The following SRPK2 variants were observed in gnomAD, a reference collection of about 807,000 sequenced individuals.
The protein encoded by SRPK2 is SRSF protein kinase 2, also known as SFRS protein kinase 2.
In SRPK2, 21 loss-of-function variants were observed where a neutral mutation model predicts 90.8. That is an observed-to-expected ratio of 0.23 (90% CI 0.16 to 0.33). SRPK2 has a LOEUF of 0.33. SRPK2 is among the 10% of genes least tolerant of loss of function. SRPK2 has a pLI of 1.00. For synonymous variants in SRPK2, 288 were observed against 311.1 expected (o/e 0.93, Z 0.78); for missense variants, 620 against 869.0 (o/e 0.71, Z 3.60).
intron 2 of SRPK2, among the ~76,000 whole-genome samples, chr7:105,253,468 T>A (rs1010848732): frequency 7.2e-5 from 11 of 152,212 alleles, no homozygotes; most frequent in Admixed American, 7.2e-4. Context: ...CAAAGACCTT[T>A]CTTTGCCACC....
intron 3 of SRPK2, among the ~76,000 whole-genome samples, chr7:105,195,233 T>C (rs1269540684): frequency 6.6e-6 from 1 of 151,990 alleles, no homozygotes; most frequent in Admixed American, 6.6e-5. Flanking sequence ...GTATCTTTAG[T>C]AGAGACAGGG....
intron 2 of SRPK2, among the ~76,000 whole-genome samples, chr7:105,228,109 T>C (rs1055123984): frequency 3.9e-5 from 6 of 152,208 alleles, no homozygotes; most frequent in Non-Finnish European, 8.8e-5. Context: ...TGATGCAATC[T>C]TGGCTCACTG....
At chr7:105,119,734 A>T (rs1365961895) in intron 15 of SRPK2, among the ~76,000 whole-genome samples, 1 of 152,242 alleles carries the variant, frequency 6.6e-6, no homozygotes, top group Non-Finnish European at 1.5e-5. Flanking sequence ...TATCCCTCTA[A>T]GCCTGAAATT....
chr7:105,148,390 C>A (rs912140244), intron 7 of SRPK2, among the ~76,000 whole-genome samples: 2 of 152,136 alleles, frequency 1.3e-5, no homozygotes, highest in Non-Finnish European at 2.9e-5. Context: ...TTAAAACAAT[C>A]AAAAACTTAC....
chr7:105,132,316 G>C (rs1584897024), intron 13 of SRPK2, among the ~76,000 whole-genome samples: 1 of 152,328 alleles, frequency 6.6e-6, no homozygotes, highest in East Asian at 1.9e-4. Context: ...TTCCAGTCTG[G>C]AAAGGTGAGG....
chr7:105,300,612 C>A (rs1342404928), intron 2 of SRPK2, among the ~76,000 whole-genome samples: 1 of 151,926 alleles, frequency 6.6e-6, no homozygotes, highest in Non-Finnish European at 1.5e-5. Context: ...TGCAATCTAC[C>A]CATCTGACAA....
At chr7:105,180,315 A>T (rs1365651933) in intron 3 of SRPK2, among the ~76,000 whole-genome samples, 1 of 152,200 alleles carries the variant, frequency 6.6e-6, no homozygotes, top group Non-Finnish European at 1.5e-5. Flanking sequence ...GACAGAAACA[A>T]GCAATGGGGA....
intron 7 of SRPK2, among the ~76,000 whole-genome samples, chr7:105,159,920 A>T (rs1807323442): frequency 6.6e-6 from 1 of 152,238 alleles, no homozygotes; most frequent in South Asian, 2.1e-4. Context: ...TTAGCACAAA[A>T]CAGCTAATTA....
intron 2 of SRPK2, among the ~76,000 whole-genome samples, chr7:105,238,864 G>A (rs76047832): frequency 2.0e-3 from 303 of 151,824 alleles, no homozygotes; most frequent in Middle Eastern, 6.8e-3. Context: ...AAATACCCAC[G>A]ACCACTTTGG....
intron 2 of SRPK2, among the ~76,000 whole-genome samples, chr7:105,245,132 T>A (rs539947690): frequency 8.7e-4 from 132 of 151,510 alleles, no homozygotes; most frequent in African/African-American, 1.6e-3. Flanking sequence ...TTTATTCAAA[T>A]AAAATTTGTG....
intron 2 of SRPK2, among the ~76,000 whole-genome samples, chr7:105,283,513 G>C (rs940443432): frequency 4.3e-4 from 66 of 152,142 alleles, no homozygotes; most frequent in African/African-American, 1.5e-3. Flanking sequence ...AAAGAAGCCA[G>C]GCACATAACA....
At chr7:105,114,784 G>A (rs1799535812), downstream of SRPK2, among the ~76,000 whole-genome samples, 1 of 152,108 alleles carries the variant, frequency 6.6e-6, no homozygotes, top group Admixed American at 6.6e-5. Context: ...TTGAAAATTA[G>A]CTAATGATGG....
At chr7:105,258,435 A>G (rs1336755285) in intron 2 of SRPK2, among the ~76,000 whole-genome samples, 1 of 147,272 alleles carries the variant, frequency 6.8e-6, no homozygotes, top group Non-Finnish European at 1.5e-5. Context: ...AAAAAAAAAA[A>G]GAAAGAAAAA....
intron 1 of SRPK2, among the ~76,000 whole-genome samples, chr7:105,398,314 G>A (rs1822384076): frequency 6.6e-6 from 1 of 151,554 alleles, no homozygotes; most frequent in African/African-American, 2.4e-5. Flanking sequence ...ATACGTCATA[G>A]AATTGGAAAA....
Position 105,141,991 on chromosome 7 carries a change from T to C in SRPK2, c.1543+17A>G, listed in dbSNP as rs765778078. On this transcript the variant is annotated intron_variant, in intron 11 of 15. Coordinates refer to ENST00000393651, the MANE Select transcript of SRPK2 (RefSeq NM_182692.3). ...GGAGTCAGCGATGGCAGACAGTTGA[T>C]GGGAAGAAACACTTACCTTTTGGCA... 6 of 1,589,386 alleles carry C rather than the reference T, an allele frequency of 3.8e-6. No homozygotes were observed. Among genetic ancestry groups the C allele is most frequent in the Non-Finnish European group, 5.1e-6 (6 of 1,168,016 alleles).
intron 2 of SRPK2, among the ~76,000 whole-genome samples, chr7:105,337,457 G>A (rs1345001280): frequency 6.6e-6 from 1 of 151,918 alleles, no homozygotes; most frequent in Admixed American, 6.6e-5. Flanking sequence ...CAGCATTACA[G>A]GCGCCTGCCA....
chr7:105,227,262 T>C (rs1798826660), intron 2 of SRPK2, among the ~76,000 whole-genome samples: 1 of 152,258 alleles, frequency 6.6e-6, no homozygotes, highest in South Asian at 2.1e-4. Flanking sequence ...AGTGGTGATC[T>C]GTGAGATCCT....
At chr7:105,241,370 C>T (rs949466054) in intron 2 of SRPK2, among the ~76,000 whole-genome samples, 16 of 152,256 alleles carry the variant, frequency 1.1e-4, no homozygotes, top group African/African-American at 3.4e-4. Context: ...CCTATTTGCC[C>T]TAGGTAAACA....
rs1411346889 is a variant in SRPK2, at chr7:105,142,968, G to A, written c.1060+116C>T. On this transcript the variant is annotated intron_variant, in intron 10 of 15. Coordinates refer to ENST00000393651, the MANE Select transcript of SRPK2 (RefSeq NM_182692.3). ...ATATTTCCCAATAGGGAGTTGGAGA[G>A]AATCATCCTTGTCATCTGCAGCAGC... 10 of 1,374,796 alleles carry A rather than the reference G, an allele frequency of 7.3e-6. No individual in the cohort carries two copies. In the African/African-American group the frequency reaches 1.3e-4, roughly 18 times the overall value. The allele number at this position is 1,374,796 out of a possible 1,614,324, so 85.2% of individuals were successfully genotyped here. A position where few individuals can be genotyped will look rare whatever the true frequency, so the allele number is the denominator to read the frequency against.
Sources: allele counts gnomAD v4.1 joint callset (sites outside exome capture counted in the v4.1 genomes callset), GRCh38; gene constraint gnomAD v4.1.1; transcripts MANE v1.5; gene names NCBI Gene and HGNC (gene_info 2026-07-23, HGNC 2026-07-21).